Variants in AFF2 observed in about 807,000 individuals in gnomAD.
The protein encoded by AFF2 is AF4/FMR2 family member 2.
Under a neutral mutation model 76.9 loss-of-function variants are expected in AFF2, and 14 were observed. That is an observed-to-expected ratio of 0.18 (90% CI 0.12 to 0.28). The LOEUF is 0.28. Ranked by LOEUF, AFF2 falls within the 10% of genes least tolerant of loss-of-function variation. The probability of loss-of-function intolerance (pLI) is 1.00; values close to 1 mark genes in which losing one functional copy is unlikely to be tolerated. For synonymous variants in AFF2, 398 were observed against 366.7 expected (o/e 1.09, Z -0.98); for missense variants, 868 against 1,001.1 (o/e 0.87, Z 1.79).
Position 148,894,389 on chromosome X carries a change from A to G in AFF2, c.1359+8404A>G, listed in dbSNP as rs974975256. 7.2e-5 allele frequency among the ~76,000 whole-genome samples: 8 copies of G among 111,554 alleles called. No homozygotes were observed. In the East Asian group the frequency reaches 2.3e-3, roughly 32 times the overall value. ...TGAATTGATATTTTCTTAAGCAGCT[A>G]TATTTACTTTTATCTTTATTTATCA... On this transcript the variant is annotated intron_variant, in intron 8 of 20. Transcript: ENST00000370460.
At chrX:148,971,747 C>CTTTTTTTTTTTTTTTTTTTTTTTTTTTT (rs781928514) in intron 15 of AFF2, among the ~76,000 whole-genome samples, 2 of 44,731 alleles carry the variant, frequency 4.5e-5, no homozygotes, top group African/African-American at 9.5e-5. Flanking sequence ...TTTTCTATTT[C>CTTTTTTTTTTTTTTTTTTTTTTTTTTTT]TTTTTTTTTT....
intron 9 of AFF2, among the ~76,000 whole-genome samples, chrX:148,922,808 C>T (rs1569557137): frequency 8.9e-6 from 1 of 111,824 alleles, no homozygotes; most frequent in African/African-American, 3.3e-5. Flanking sequence ...CACTTACCAT[C>T]CCTTTTCTCC....
chrX:148,712,261 T>C (rs193194112), intron 3 of AFF2, among the ~76,000 whole-genome samples: 2 of 111,863 alleles, frequency 1.8e-5, no homozygotes, highest in Non-Finnish European at 3.8e-5. Context: ...CCAAGAATTC[T>C]TGTGCCTTGG....
At chrX:148,751,046 T>C (rs2124575385) in intron 3 of AFF2, among the ~76,000 whole-genome samples, 1 of 112,568 alleles carries the variant, frequency 8.9e-6, no homozygotes, top group East Asian at 2.8e-4. Context: ...TTCTGTGAGC[T>C]GAGTATAACA....
chrX:148,766,972 GT>G (rs1158903818), intron 3 of AFF2, among the ~76,000 whole-genome samples: 1 of 110,899 alleles, frequency 9.0e-6, no homozygotes, highest in Non-Finnish European at 1.9e-5. Flanking sequence ...TATTTGTTTG[GT>G]TCATTTTGGT....
At chrX:148,981,477 C>T (rs1188829838) in intron 19 of AFF2, among the ~76,000 whole-genome samples, 3 of 110,887 alleles carry the variant, frequency 2.7e-5, no homozygotes, top group Non-Finnish European at 5.7e-5. Flanking sequence ...TGTTCTTTAT[C>T]GCTAAAATGA....
At chrX:148,509,963 C>T (rs1215458310) in intron 1 of AFF2, among the ~76,000 whole-genome samples, 1 of 111,630 alleles carries the variant, frequency 9.0e-6, no homozygotes, top group African/African-American at 3.3e-5. Context: ...AACTCCCATA[C>T]TCCTACCCAG....
rs1224069412 is a variant in AFF2 at position 148,998,489 on chromosome X, C to A, written c.*7157C>A. Reference sequence around the variant, plus strand: ...ATAATATAACTGCATTATTACATGGCAGTATAAATATTAGTCTGTTGAATT... The same window carrying A: ...ATAATATAACTGCATTATTACATGGAAGTATAAATATTAGTCTGTTGAATT... On this transcript the variant is annotated 3_prime_UTR_variant, in exon 21 of 21. Coordinates refer to ENST00000370460, the MANE Select transcript of AFF2 (RefSeq NM_002025.4). The A allele has an allele frequency of 1.8e-5, 2 of 112,400 alleles. No individual in the cohort carries two copies. Among genetic ancestry groups the A allele is most frequent in the African/African-American group, 6.5e-5 (2 of 30,823 alleles). 9.3% of individuals were successfully genotyped at this position (112,400 alleles called of 1,213,427 possible).
intron 8 of AFF2, among the ~76,000 whole-genome samples, chrX:148,888,395 C>G (rs782580860): frequency 3.6e-5 from 4 of 112,079 alleles, no homozygotes; most frequent in Non-Finnish European, 7.5e-5. Context: ...GAATAAACCA[C>G]ATTTTCTTTA....
chrX:148,973,671 T>TA, intron 16 of AFF2, 64 bp downstream of exon 16: 1 of 1,066,054 alleles, frequency 9.4e-7, no homozygotes, highest in Non-Finnish European at 1.3e-6. Context: ...AGCTATGTTT[T>TA]AAAAAATGTA....
At chrX:148,915,089 G>A (rs1557282406) in intron 9 of AFF2, among the ~76,000 whole-genome samples, 1 of 112,002 alleles carries the variant, frequency 8.9e-6, no homozygotes, top group African/African-American at 3.3e-5. Flanking sequence ...TTTGGCCAGG[G>A]CCTCAAATAG....
chrX:148,975,799 C>T (rs1344482953), intron 16 of AFF2, among the ~76,000 whole-genome samples: 1 of 99,953 alleles, frequency 1.0e-5, no homozygotes, highest in Non-Finnish European at 2.1e-5. Flanking sequence ...AAAAAATTAG[C>T]CGGGCGTAGT....
Position 148,967,026 on chromosome X carries a change from T to G in AFF2, c.3150T>G (p.Leu1050=). ...TGACGTCCTGGGCGGCTCTGCCCCTTCTATCCAGCAGCAGCACTAATGTCC... is the reference window on the plus strand; with the variant it reads ...TGACGTCCTGGGCGGCTCTGCCCCTGCTATCCAGCAGCAGCACTAATGTCC... The part of the protein sequence containing the change: ...LEMTSWAALP[L]LSSSSTNVRR... The change falls in exon 14 of 21, where the codon CTT becomes CTG. Residue 1050 remains leucine, a synonymous_variant. Transcript: ENST00000370460. 1 of 1,211,605 alleles carries G rather than the reference T, an allele frequency of 8.3e-7. No individual in the cohort carries two copies. The highest frequency in any genetic ancestry group is 2.2e-5 in the Admixed American group (1 of 46,025).
intron 1 of AFF2, among the ~76,000 whole-genome samples, chrX:148,541,774 C>T (rs1478845455): frequency 9.1e-6 from 1 of 110,248 alleles, no homozygotes; most frequent in Non-Finnish European, 1.9e-5. Flanking sequence ...TCTTTCTGTT[C>T]TATGCATAAC....
intron 1 of AFF2, among the ~76,000 whole-genome samples, chrX:148,517,101 T>C (rs1557233897): frequency 8.9e-6 from 1 of 111,839 alleles, no homozygotes; most frequent in Admixed American, 9.5e-5. Flanking sequence ...ACTGGGGATA[T>C]CATAGTGATA....
intron 1 of AFF2, among the ~76,000 whole-genome samples, chrX:148,581,948 G>A (rs1364836086): frequency 9.0e-6 from 1 of 111,714 alleles, no homozygotes; most frequent in African/African-American, 3.2e-5. Context: ...GGTGCATTGG[G>A]TTATTATGTT....
intron 3 of AFF2, among the ~76,000 whole-genome samples, chrX:148,749,866 C>A (rs2055474763): frequency 9.0e-6 from 1 of 111,533 alleles, no homozygotes; most frequent in African/African-American, 3.3e-5. Context: ...AAAGTATTTC[C>A]ATTTCTACCC....
intron 9 of AFF2, among the ~76,000 whole-genome samples, chrX:148,917,585 G>A (rs1292076721): frequency 3.6e-5 from 4 of 111,602 alleles, no homozygotes; most frequent in Admixed American, 9.5e-5. Flanking sequence ...TCCTTCCTGC[G>A]ATACTCCACT....
chrX:148,708,596 C>G (rs1349899926), intron 3 of AFF2, among the ~76,000 whole-genome samples: 1 of 112,085 alleles, frequency 8.9e-6, no homozygotes, highest in Non-Finnish European at 1.9e-5. Context: ...TAAATGTAGT[C>G]CCAGATACTC....
Sources: gnomAD v4.1 joint callset for allele counts (sites outside exome capture counted in the v4.1 genomes callset) on GRCh38, gnomAD v4.1.1 for gene constraint, MANE v1.5 for transcripts, NCBI Gene and HGNC (gene_info 2026-07-23, HGNC 2026-07-21) for gene names.